Variants in H2AZ2 observed in about 807,000 individuals in gnomAD.
H2AZ2 encodes the protein H2A.Z variant histone 2.
A neutral mutation model predicts 15.5 loss-of-function variants in H2AZ2; 5 were observed. The observed-to-expected ratio is 0.32, with a 90% CI of 0.17 to 0.68. The LOEUF is 0.68. H2AZ2 is among the 30% of genes least tolerant of loss of function. H2AZ2 has a pLI of 0.72. For synonymous variants in H2AZ2, 44 were observed against 57.4 expected, an observed-to-expected ratio of 0.77 and a Z score of 1.05; for missense variants, 42 against 162.5, an observed-to-expected ratio of 0.26 and a Z score of 4.03.
chr7:44,841,146 CA>C, intron 2 of H2AZ2, 134 bp from the exon 3 acceptor site: 1 of 622,788 alleles, frequency 1.6e-6, no homozygotes, highest in Admixed American at 2.7e-5. Context: ...ACCTATTACG[CA>C]TCAATAGTTC....
Position 44,832,689 on chromosome 7 carries a change from C to G in H2AZ2, c.*1812G>C, listed in dbSNP as rs572992754. On this transcript the variant is annotated 3_prime_UTR_variant, in exon 5 of 5. Coordinates refer to ENST00000308153, the MANE Select transcript of H2AZ2 (RefSeq NM_012412.5). ...TAGCGCAGGGCATGGTGGCTTATGC[C>G]TATAATCCCAGTACTTTGGGAGGCC... 4.6e-5 allele frequency among the ~76,000 whole-genome samples: 7 copies of G among 152,276 alleles called. No individual in the cohort carries two copies. The highest frequency in any genetic ancestry group is 1.7e-4 in the African/African-American group (7 of 41,566).
chr7:44,830,891 C>CA (rs1450298496), downstream of H2AZ2, among the ~76,000 whole-genome samples: 5 of 152,182 alleles, frequency 3.3e-5, no homozygotes, highest in African/African-American at 9.6e-5. Context: ...CATGGTGGCG[C>CA]ATGCCTGTAG....
intron 2 of H2AZ2, among the ~76,000 whole-genome samples, chr7:44,841,485 A>G (rs548055270): frequency 8.8e-4 from 134 of 152,146 alleles, no homozygotes; most frequent in Non-Finnish European, 1.7e-3. Context: ...ATTTCAAAGT[A>G]TCCTGATCCC....
At chr7:44,835,497 A>T in intron 4 of H2AZ2, 32 bp downstream of exon 4, 1 of 1,594,202 alleles carries the variant, frequency 6.3e-7, no homozygotes. Flanking sequence ...AGAAAGACCA[A>T]TAAGAATCAA....
chr7:44,829,136 T>A (rs1413914116), downstream of H2AZ2: 1 of 152,212 alleles, frequency 6.6e-6, no homozygotes, highest in African/African-American at 2.4e-5. Flanking sequence ...AAATTCTGCC[T>A]ATCACCCCCT....
At chr7:44,835,122 AAAG>A (rs1201710109) in intron 4 of H2AZ2, 1 of 189,306 alleles carries the variant, frequency 5.3e-6, no homozygotes, top group Non-Finnish European at 1.1e-5. Context: ...AGGGTTATCC[AAAG>A]AAGATTAAGA....
chr7:44,838,536 C>T (rs765307340), intron 3 of H2AZ2, among the ~76,000 whole-genome samples: 71 of 151,934 alleles, frequency 4.7e-4, no homozygotes, highest in Non-Finnish European at 7.8e-4. Context: ...ACCGGTAGCC[C>T]CAGCTACTCC....
chr7:44,843,137 CAAAAAAAAAAAAAAAAAAAA>C (rs55941046), intron 2 of H2AZ2, 120 bp downstream of exon 2: 2,930 of 85,988 alleles, frequency 0.034, 10 homozygotes, highest in Middle Eastern at 0.059. Context: ...GACTCTGTCT[CAAAAAAAAAAAAAAAAAAAA>C]AAAAAAAAAA....
chr7:44,827,353 T>C (rs977851642), downstream of H2AZ2: 1 of 152,254 alleles, frequency 6.6e-6, no homozygotes, highest in Admixed American at 6.5e-5. Flanking sequence ...CTGTGGAGGT[T>C]AGCTCCTAAA....
chr7:44,834,603 T>C (rs762365667), intron 4 of H2AZ2, 41 bp from the exon 5 acceptor site: 3 of 1,540,736 alleles, frequency 1.9e-6, no homozygotes, highest in Non-Finnish European at 2.7e-6. Context: ...ACTTTTAAAG[T>C]TTTTGCCTCA....
At chr7:44,837,433 GA>G (rs71011996) in intron 3 of H2AZ2, among the ~76,000 whole-genome samples, 6,422 of 87,258 alleles carry the variant, frequency 0.074, 232 homozygotes, top group African/African-American at 0.18. Flanking sequence ...AAAAAAAAAA[GA>G]AAAAAAAAAA....
chr7:44,834,742 TTG>T (rs1793075515), intron 4 of H2AZ2, among the ~76,000 whole-genome samples, 180 bp from the exon 5 acceptor site: 2 of 151,950 alleles, frequency 1.3e-5, no homozygotes, highest in African/African-American at 4.8e-5. Context: ...GTATGTAAAA[TTG>T]TGTGACTTTC....
chr7:44,847,617 T>C (rs973609259), intron 1 of H2AZ2, among the ~76,000 whole-genome samples: 1 of 152,176 alleles, frequency 6.6e-6, no homozygotes, highest in Non-Finnish European at 1.5e-5. Flanking sequence ...ACCTCATTCA[T>C]ACAGAGAAGC....
intron 1 of H2AZ2, among the ~76,000 whole-genome samples, chr7:44,847,107 C>A (rs1793430572): frequency 6.6e-6 from 1 of 152,172 alleles, no homozygotes; most frequent in Non-Finnish European, 1.5e-5. Flanking sequence ...TTGAAGTAAC[C>A]TTTCAACAGA....
At chr7:44,842,191 C>T (rs1201817028) in intron 2 of H2AZ2, among the ~76,000 whole-genome samples, 1 of 152,188 alleles carries the variant, frequency 6.6e-6, no homozygotes, top group African/African-American at 2.4e-5. Context: ...AACATTTCAT[C>T]TTAGACTTCA....
intron 3 of H2AZ2, among the ~76,000 whole-genome samples, chr7:44,840,176 C>CA (rs1174525159): frequency 6.6e-6 from 1 of 151,846 alleles, no homozygotes; most frequent in Non-Finnish European, 1.5e-5. Context: ...GCCTAGGTGA[C>CA]AGAGTGAGAC....
At chr7:44,837,446 A>G (rs1199708930) in intron 3 of H2AZ2, among the ~76,000 whole-genome samples, 2 of 149,672 alleles carry the variant, frequency 1.3e-5, no homozygotes, top group Non-Finnish European at 3.0e-5. Context: ...AAAAAAAAAA[A>G]AAAAAAAAGT....
chr7:44,845,682 CA>C (rs1328561653), intron 1 of H2AZ2, among the ~76,000 whole-genome samples: 1 of 152,076 alleles, frequency 6.6e-6, no homozygotes, highest in African/African-American at 2.4e-5. Flanking sequence ...TCAGATATGT[CA>C]TATTTGGTGT....
At chr7:44,830,150 A>T, downstream of H2AZ2, 1 of 1,613,788 alleles carries the variant, frequency 6.2e-7, no homozygotes, top group Non-Finnish European at 8.5e-7. Context: ...TGATCTAAGA[A>T]CACCTTCTCT....
Sources: gnomAD v4.1 joint callset for allele counts (sites outside exome capture counted in the v4.1 genomes callset) on GRCh38, gnomAD v4.1.1 for gene constraint, MANE v1.5 for transcripts, NCBI Gene and HGNC (gene_info 2026-07-23, HGNC 2026-07-21) for gene names.